TTLL7: variants seen among roughly 807,000 people sequenced by gnomAD.
TTLL7 encodes the protein tubulin tyrosine ligase like 7, also known as tubulin polyglutamylase TTLL7.
A neutral mutation model predicts 120.2 loss-of-function variants in TTLL7; 53 were observed. That is an observed-to-expected ratio of 0.44 (90% confidence interval 0.35 to 0.55). The LOEUF is 0.55. Ranked by LOEUF, TTLL7 falls within the 20% of genes least tolerant of loss-of-function variation. The pLI, the probability that TTLL7 is intolerant of heterozygous loss-of-function variation, is 0.00. For missense variants in TTLL7, 803 were observed against 1,054.7 expected (o/e 0.76, Z 3.31); for synonymous variants, 353 against 351.7 (o/e 1.00, Z -0.04).
chr1:83,869,211 G>A lies in TTLL7; in HGVS notation c.*751C>T, dbSNP rs772508886. ...GGCTAGTCTCAAACTCCTGACCAGCGGTGATCCACTCACCTCGGCCTCCCA... is the reference window on the plus strand; with the variant it reads ...GGCTAGTCTCAAACTCCTGACCAGCAGTGATCCACTCACCTCGGCCTCCCA... On this transcript the variant is annotated 3_prime_UTR_variant, in exon 21 of 21. Transcript: ENST00000260505. 8.5e-5 allele frequency: 13 copies of A among 152,234 alleles called. No individual in the cohort carries two copies. Among genetic ancestry groups the A allele is most frequent in the Non-Finnish European group, 1.0e-4 (7 of 68,140 alleles). 9.4% of individuals were successfully genotyped at this position (152,234 alleles called of 1,614,324 possible).
At chr1:83,975,255 C>G (rs1651360451) in intron 1 of TTLL7, among the ~76,000 whole-genome samples, 1 of 152,100 alleles carries the variant, frequency 6.6e-6, no homozygotes, top group Non-Finnish European at 1.5e-5. Flanking sequence ...GGCTCCCAGC[C>G]CCAAACTTTC....
Position 83,971,689 on chromosome 1 carries a change from T to C in TTLL7, c.-176-19302A>G, listed in dbSNP as rs145026772. Among the ~76,000 whole-genome samples the C allele has an allele frequency of 8.5e-5, 13 of 152,156 alleles. No homozygotes were observed. In the East Asian group the frequency reaches 2.5e-3, roughly 30 times the overall value. On this transcript the variant is annotated intron_variant, in intron 1 of 20. Coordinates refer to ENST00000260505, the MANE Select transcript of TTLL7 (RefSeq NM_024686.6). ...CTTTTGAACCCAGTAGTTTTGCAGGTCATTCAGACTTACCTTCTAGTTCTT... is the reference window on the plus strand; with the variant it reads ...CTTTTGAACCCAGTAGTTTTGCAGGCCATTCAGACTTACCTTCTAGTTCTT...
chr1:83,908,436 T>C (rs573297737), intron 15 of TTLL7, among the ~76,000 whole-genome samples: 1 of 152,154 alleles, frequency 6.6e-6, no homozygotes, highest in East Asian at 1.9e-4. Flanking sequence ...GTATTTTAAG[T>C]CACAAGAGTA....
At chr1:83,887,355 A>T in intron 19 of TTLL7, 2 of 531,038 alleles carry the variant, frequency 3.8e-6, no homozygotes, top group South Asian at 3.7e-5. Flanking sequence ...TTTCACCATG[A>T]CCATTAGGCC....
chr1:83,960,098 G>A (rs1172942966), intron 1 of TTLL7, among the ~76,000 whole-genome samples: 1 of 152,054 alleles, frequency 6.6e-6, no homozygotes, highest in Non-Finnish European at 1.5e-5. Flanking sequence ...AATTATCATG[G>A]TTTAGGCATT....
chr1:83,974,930 C>T (rs1454601326), intron 1 of TTLL7, among the ~76,000 whole-genome samples: 4 of 151,988 alleles, frequency 2.6e-5, no homozygotes, highest in Non-Finnish European at 5.9e-5. Flanking sequence ...TGTAACTTAG[C>T]TCCTGATGAT....
chr1:83,892,952 A>AAGAAAAAGAAAGAAAGAAAGAAGG (rs143741135), intron 18 of TTLL7, among the ~76,000 whole-genome samples: 1 of 128,978 alleles, frequency 7.8e-6, no homozygotes, highest in African/African-American at 3.4e-5. Flanking sequence ...GAAAGAAAGA[A>AAGAAAAAGAAAGAAAGAAAGAAGG]AAGAATAAAA....
intron 9 of TTLL7, among the ~76,000 whole-genome samples, chr1:83,932,750 T>A (rs775533181): frequency 3.9e-5 from 6 of 152,136 alleles, no homozygotes; most frequent in Non-Finnish European, 5.9e-5. Context: ...TGATTTAAAA[T>A]GAAAGGTAGT....
chr1:83,886,352 C>T (rs1252169430), intron 19 of TTLL7, among the ~76,000 whole-genome samples: 2 of 151,940 alleles, frequency 1.3e-5, no homozygotes, highest in African/African-American at 4.8e-5. Flanking sequence ...AAACAGAAAA[C>T]ACCCTTGTCC....
intron 1 of TTLL7, among the ~76,000 whole-genome samples, chr1:83,993,577 A>G (rs1653199094): frequency 6.6e-6 from 1 of 152,250 alleles, no homozygotes; most frequent in South Asian, 2.1e-4. Flanking sequence ...ATTTAGAAAG[A>G]GCAAGCAATG....
In TTLL7 at chr1:83,919,259, AGTGTGTGTGTGTGT is replaced by A. The variant is rs111745254; in HGVS notation, c.1500+426_1500+439del. ...CCTTTTACTATGGTGTACAGATTAGAGTGTGTGTGTGTGTGTGTGTGTGTGTGTGTGTGTTTCAT... is the reference window on the plus strand; with the variant it reads ...CCTTTTACTATGGTGTACAGATTAGAGTGTGTGTGTGTGTGTGTGTTTCAT... On this transcript the variant is annotated intron_variant, in intron 13 of 20. Transcript: ENST00000260505. 2.7e-5 allele frequency among the ~76,000 whole-genome samples: 4 copies of A among 147,052 alleles called. No homozygotes were observed. In the East Asian group the frequency reaches 6.0e-4, roughly 22 times the overall value.
intron 18 of TTLL7, among the ~76,000 whole-genome samples, chr1:83,891,584 G>C (rs983780547): frequency 6.6e-6 from 1 of 151,976 alleles, no homozygotes; most frequent in African/African-American, 2.4e-5. Context: ...TTTCTCATAG[G>C]TAAAAATAGG....
At chr1:83,967,140 A>G (rs1198012440) in intron 1 of TTLL7, among the ~76,000 whole-genome samples, 8 of 152,124 alleles carry the variant, frequency 5.3e-5, no homozygotes, top group Non-Finnish European at 1.2e-4. Context: ...CTAAGAAAGC[A>G]CTGTTGCATA....
chr1:83,880,202 AC>A (rs1395521158), intron 20 of TTLL7: 1 of 151,976 alleles, frequency 6.6e-6, no homozygotes, highest in Non-Finnish European at 1.5e-5. Flanking sequence ...CTTCAGTGAA[AC>A]CATTAAAACT....
chr1:83,925,957 C>T (rs1308951870), intron 10 of TTLL7, among the ~76,000 whole-genome samples: 2 of 151,914 alleles, frequency 1.3e-5, no homozygotes, highest in Non-Finnish European at 2.9e-5. Flanking sequence ...CCCGTCTCTA[C>T]TAAAAATACA....
At chr1:83,870,338 G>A (rs1320078424) in intron 20 of TTLL7, among the ~76,000 whole-genome samples, 1 of 152,186 alleles carries the variant, frequency 6.6e-6, no homozygotes, top group Non-Finnish European at 1.5e-5. Context: ...AACTGTTTAT[G>A]TGGCTAATGT....
Position 83,869,284 on chromosome 1 carries a change from A to G in TTLL7, c.*678T>C, listed in dbSNP as rs542697954. 4.6e-5 allele frequency: 7 copies of G among 152,296 alleles called. No individual in the cohort carries two copies. The Middle Eastern group carries it at 0.01, about 222-fold the overall frequency. The allele number at this position is 152,296 out of a possible 1,614,324, so 9.4% of individuals were successfully genotyped here. The stretch of plus-strand genomic sequence containing the variant: ...AGCCACCGCGCCCAGCCTGTCTTTC[A>G]TGTTAGATCATAATATGATCTCACC... On this transcript the variant is annotated 3_prime_UTR_variant, in exon 21 of 21. Coordinates refer to ENST00000260505, the MANE Select transcript of TTLL7 (RefSeq NM_024686.6).
At chr1:83,903,986 A>G in intron 18 of TTLL7, 93 bp downstream of exon 18, 3 of 925,696 alleles carry the variant, frequency 3.2e-6, no homozygotes, top group Non-Finnish European at 5.2e-6. Flanking sequence ...TAAACAAATG[A>G]GCAAATATAC....
intron 10 of TTLL7, among the ~76,000 whole-genome samples, chr1:83,925,303 T>C (rs1659021501): frequency 6.6e-6 from 1 of 152,236 alleles, no homozygotes; most frequent in Non-Finnish European, 1.5e-5. Flanking sequence ...TCTAAGCCTC[T>C]TTCTCACCTA....
Sources: allele counts gnomAD v4.1 joint callset (sites outside exome capture counted in the v4.1 genomes callset), GRCh38; gene constraint gnomAD v4.1.1; transcripts MANE v1.5; gene names NCBI Gene and HGNC (gene_info 2026-07-23, HGNC 2026-07-21).